Variants in DAPK1 observed in about 807,000 individuals in gnomAD.
The protein encoded by DAPK1 is death-associated protein kinase 1.
Under a neutral mutation model 144.9 loss-of-function variants are expected in DAPK1, and 56 were observed. The observed-to-expected ratio is 0.39, with a 90% CI of 0.31 to 0.48. DAPK1 has a LOEUF of 0.48. Ranked by LOEUF, DAPK1 falls within the 20% of genes least tolerant of loss-of-function variation. The probability of loss-of-function intolerance (pLI) is 0.95; values close to 1 mark genes in which losing one functional copy is unlikely to be tolerated. For synonymous variants in DAPK1, 690 were observed against 749.0 expected, an observed-to-expected ratio of 0.92 and a Z score of 1.29; for missense variants, 1,454 against 1,875.4, an observed-to-expected ratio of 0.78 and a Z score of 4.15.
intron 2 of DAPK1, among the ~76,000 whole-genome samples, chr9:87,538,339 C>T (rs1441345467): frequency 1.3e-5 from 2 of 152,074 alleles, no homozygotes; most frequent in Non-Finnish European, 2.9e-5. Flanking sequence ...CCAAAAATTC[C>T]ACTCCCAAAG....
At chr9:87,664,401 C>T (rs1008796415) in intron 18 of DAPK1, among the ~76,000 whole-genome samples, 2 of 152,218 alleles carry the variant, frequency 1.3e-5, no homozygotes, top group African/African-American at 4.8e-5. Context: ...TGATGGCGCT[C>T]TGCCTTCAGA....
At chr9:87,524,419 G>A (rs1587686452) in intron 2 of DAPK1, among the ~76,000 whole-genome samples, 1 of 152,198 alleles carries the variant, frequency 6.6e-6, no homozygotes, top group Non-Finnish European at 1.5e-5. Context: ...TCAGTTCTGT[G>A]TGTTCCCTAA....
At chr9:87,578,872 T>G (rs1017122354) in intron 2 of DAPK1, among the ~76,000 whole-genome samples, 1 of 152,232 alleles carries the variant, frequency 6.6e-6, no homozygotes, top group African/African-American at 2.4e-5. Context: ...TCTTGGGATT[T>G]GAGGCCATCT....
chr9:87,707,149 G>T lies in DAPK1; in HGVS notation c.4078G>T (p.Ala1360Ser). The T allele has an allele frequency of 6.2e-7, 1 of 1,613,534 alleles. No homozygotes were observed. Among genetic ancestry groups the T allele is most frequent in the Non-Finnish European group, 8.5e-7 (1 of 1,179,528 alleles). Reference protein sequence around the residue: ...PKDFLPSPLHALLREWTTYPE... With the variant: ...PKDFLPSPLHSLLREWTTYPE... ...GGATTTCCTCCCCAGCCCCCTCCAC[G>T]CCCTGCTGCGGGAATGGACCACCTA... The change falls in exon 26 of 26, where the codon GCC (alanine) becomes TCC (serine). Residue 1360 changes from alanine to serine, a missense_variant. Transcript: ENST00000408954. This position sits in a 1 kb window ranked among gnomAD's most constrained non-coding sequence, Gnocchi z 4.0.
chr9:87,647,338 CATGGCCACGTCGATACCTTGAA>C lies in DAPK1; in HGVS notation c.1267_1288del (p.Gly423PhefsTer11). Reference sequence around the variant, plus strand: ...CAATGCCGTCTACTGGGCTGCTCGGCATGGCCACGTCGATACCTTGAAATTTCTCAGTGAGAACAAATGCCCT... The same window carrying C: ...CAATGCCGTCTACTGGGCTGCTCGGCATTTCTCAGTGAGAACAAATGCCCT... On this transcript the variant is annotated frameshift_variant, in exon 14 of 26. Coordinates refer to ENST00000408954, the MANE Select transcript of DAPK1 (RefSeq NM_004938.4). LOFTEE classifies it high-confidence loss of function. 6.2e-7 allele frequency: 1 copy of C among 1,614,184 alleles called. No individual in the cohort carries two copies. Among genetic ancestry groups the C allele is most frequent in the Non-Finnish European group, 8.5e-7 (1 of 1,180,026 alleles).
chr9:87,526,349 C>T (rs1197025078), intron 2 of DAPK1, among the ~76,000 whole-genome samples: 1 of 152,224 alleles, frequency 6.6e-6, no homozygotes, highest in Non-Finnish European at 1.5e-5. Context: ...CTGGCAACCA[C>T]TGTCAGTTTT....
At chr9:87,526,118 G>A (rs1326671199) in intron 2 of DAPK1, among the ~76,000 whole-genome samples, 2 of 151,330 alleles carry the variant, frequency 1.3e-5, no homozygotes, top group African/African-American at 2.4e-5. Context: ...CCCCAGCCTG[G>A]GCAATGTAGC....
intron 2 of DAPK1, among the ~76,000 whole-genome samples, chr9:87,527,306 T>C (rs768131698): frequency 6.6e-6 from 1 of 152,228 alleles, no homozygotes; most frequent in Non-Finnish European, 1.5e-5. Flanking sequence ...GTTGAGGGGC[T>C]TGGAGGAGAT....
chr9:87,551,520 C>T (rs1299069678), intron 2 of DAPK1, among the ~76,000 whole-genome samples: 3 of 152,158 alleles, frequency 2.0e-5, no homozygotes, highest in Non-Finnish European at 4.4e-5. Context: ...GGCTGAGATC[C>T]GGTCACCTGG....
chr9:87,539,618 G>A (rs558979775), intron 2 of DAPK1, among the ~76,000 whole-genome samples: 8 of 151,802 alleles, frequency 5.3e-5, no homozygotes, highest in African/African-American at 1.7e-4. Context: ...GGGTTTAACC[G>A]TGTTGGCCAG....
chr9:87,622,191 C>T (rs184227651), intron 3 of DAPK1, among the ~76,000 whole-genome samples: 2 of 151,968 alleles, frequency 1.3e-5, no homozygotes, highest in Admixed American at 1.3e-4. Context: ...TTTCTCTTTC[C>T]CATGCGCCCT....
chr9:87,535,422 G>T lies in DAPK1; in HGVS notation c.62+36283G>T, dbSNP rs574541203. Among the ~76,000 whole-genome samples, 136 of 152,126 alleles carry T rather than the reference G, an allele frequency of 8.9e-4. 1 individual carries two copies. Among genetic ancestry groups the T allele is most frequent in the Non-Finnish European group, 4.1e-4 (28 of 68,034 alleles). ...ATATTGAATTACATAAAAATTATAA[G>T]CCCTGCTAAGCTTTGAGTGTGATTA... On this transcript the variant is annotated intron_variant, in intron 2 of 25. Transcript: ENST00000408954.
In DAPK1 at chr9:87,566,156, G is replaced by A. The variant is rs1221726463; in HGVS notation, c.63-38798G>A. Among the ~76,000 whole-genome samples the A allele has an allele frequency of 4.6e-5, 7 of 152,108 alleles. No homozygotes were observed. The East Asian group carries it at 1.2e-3, about 25-fold the overall frequency. On this transcript the variant is annotated intron_variant, in intron 2 of 25. Transcript: ENST00000408954. ...CTGCCTCAGCCTCCCAAGTAGCTGGGACTACAGTCGCCCGCCACCATGCCC... is the reference window on the plus strand; with the variant it reads ...CTGCCTCAGCCTCCCAAGTAGCTGGAACTACAGTCGCCCGCCACCATGCCC...
At chr9:87,512,640 G>A (rs561745118) in intron 2 of DAPK1, among the ~76,000 whole-genome samples, 1 of 152,232 alleles carries the variant, frequency 6.6e-6, no homozygotes, top group East Asian at 1.9e-4. Flanking sequence ...GCTGCTGTGT[G>A]AGAGGCTGCT....
chr9:87,646,334 C>T, intron 12 of DAPK1, 127 bp from the exon 13 acceptor site: 1 of 720,104 alleles, frequency 1.4e-6, no homozygotes, highest in Non-Finnish European at 2.3e-6. Context: ...TCTTCTCTTC[C>T]TGCCACGCAG....
At chr9:87,544,430 G>T (rs1314274642) in intron 2 of DAPK1, among the ~76,000 whole-genome samples, 1 of 152,146 alleles carries the variant, frequency 6.6e-6, no homozygotes, top group East Asian at 1.9e-4. Context: ...TATAGATATG[G>T]TGAAGAATAT....
At chr9:87,698,563 G>C (rs1270175900) in intron 22 of DAPK1, 93 bp from the exon 23 acceptor site, 1 of 756,930 alleles carries the variant, frequency 1.3e-6, no homozygotes, top group Non-Finnish European at 2.3e-6. Context: ...GAGTCGGCCT[G>C]GGCATGAGGC....
chr9:87,673,821 C>T (rs1824263757), intron 19 of DAPK1, among the ~76,000 whole-genome samples: 1 of 152,144 alleles, frequency 6.6e-6, no homozygotes, highest in African/African-American at 2.4e-5. Context: ...CTTCTCCCTA[C>T]CAAAGGTTGT....
chr9:87,672,139 C>T (rs1387265357), intron 19 of DAPK1, among the ~76,000 whole-genome samples: 1 of 152,164 alleles, frequency 6.6e-6, no homozygotes, highest in Non-Finnish European at 1.5e-5. Flanking sequence ...ACAGTAAGCA[C>T]CACGTGTTTC....
Sources: gnomAD v4.1 joint callset for allele counts (sites outside exome capture counted in the v4.1 genomes callset) on GRCh38, gnomAD v4.1.1 for gene constraint, Gnocchi (gnomAD v3.1) non-coding constraint, MANE v1.5 for transcripts, NCBI Gene and HGNC (gene_info 2026-07-23, HGNC 2026-07-21) for gene names.